Variants in PARM1 observed in about 807,000 individuals in gnomAD.
PARM1 encodes WSC4, cell wall integrity and stress response component 4 homolog.
PARM1 carries 14 observed loss-of-function variants against 24.6 expected under a neutral mutation model. That is an observed-to-expected ratio of 0.57 (90% confidence interval 0.38 to 0.89). The LOEUF is 0.89. Ranked by LOEUF, PARM1 falls within the 40% of genes least tolerant of loss-of-function variation. The probability of loss-of-function intolerance (pLI) is 0.00; values close to 1 mark genes in which losing one functional copy is unlikely to be tolerated. For missense variants in PARM1, 362 were observed against 380.4 expected, an observed-to-expected ratio of 0.95 and a Z score of 0.40; for synonymous variants, 179 against 156.6, an observed-to-expected ratio of 1.14 and a Z score of -1.07.
intron 2 of PARM1, among the ~76,000 whole-genome samples, chr4:75,014,181 A>G (rs905881160): frequency 6.6e-6 from 1 of 152,214 alleles, no homozygotes; most frequent in African/African-American, 2.4e-5. Flanking sequence ...CAATTGATAT[A>G]CATCCATCAC....
chr4:75,011,498 C>T (rs1225542343), intron 1 of PARM1, among the ~76,000 whole-genome samples: 1 of 152,038 alleles, frequency 6.6e-6, no homozygotes. Flanking sequence ...TATGGGGAGG[C>T]AATCAAGATA....
chr4:74,947,776 C>T (rs901043961), intron 1 of PARM1, among the ~76,000 whole-genome samples: 3 of 152,142 alleles, frequency 2.0e-5, no homozygotes, highest in African/African-American at 7.2e-5. Flanking sequence ...ATGCATTATA[C>T]TCTTCTCTCC....
At chr4:74,975,245 C>T (rs1013576627) in intron 1 of PARM1, among the ~76,000 whole-genome samples, 20 of 152,302 alleles carry the variant, frequency 1.3e-4, no homozygotes, top group Admixed American at 3.3e-4. Context: ...TTTAGCCTGG[C>T]TTTAGAGTTA....
At chr4:74,983,416 T>C (rs1441983095) in intron 1 of PARM1, among the ~76,000 whole-genome samples, 3 of 152,162 alleles carry the variant, frequency 2.0e-5, no homozygotes, top group Non-Finnish European at 4.4e-5. Flanking sequence ...CTCAAGGTCA[T>C]TGTCACAGAA....
chr4:75,012,407 G>T lies in PARM1; in HGVS notation c.44-18G>T. ...GTGTTTTCACATATTAACCACTTTTGTACTGGCTTTTCCACAGGATGGAGG... is the reference window on the plus strand; with the variant it reads ...GTGTTTTCACATATTAACCACTTTTTTACTGGCTTTTCCACAGGATGGAGG... On this transcript the variant is annotated intron_variant, in intron 1 of 3. Coordinates refer to ENST00000307428, the MANE Select transcript of PARM1 (RefSeq NM_015393.4). 6.2e-7 allele frequency: 1 copy of T among 1,608,340 alleles called. No individual in the cohort carries two copies. Among genetic ancestry groups the T allele is most frequent in the Non-Finnish European group, 8.5e-7 (1 of 1,175,636 alleles).
At chr4:74,938,946 G>A (rs1421814643) in intron 1 of PARM1, among the ~76,000 whole-genome samples, 1 of 152,088 alleles carries the variant, frequency 6.6e-6, no homozygotes, top group Non-Finnish European at 1.5e-5. Flanking sequence ...TTTTCCTTTG[G>A]CTAGTATTGC....
chr4:74,987,574 A>G (rs1266105992), intron 1 of PARM1, among the ~76,000 whole-genome samples: 3 of 152,232 alleles, frequency 2.0e-5, no homozygotes, highest in Non-Finnish European at 2.9e-5. Flanking sequence ...TTTATTTTGT[A>G]TATTAAAAAT....
At chr4:75,042,417 G>A (rs954690895) in intron 3 of PARM1, among the ~76,000 whole-genome samples, 1 of 152,158 alleles carries the variant, frequency 6.6e-6, no homozygotes, top group Non-Finnish European at 1.5e-5. Flanking sequence ...TGCTGTTCAG[G>A]TTGAAATTAG....
rs1560397285 is a variant in PARM1, at chr4:75,046,352, CCT to C, written c.*106_*107del. On this transcript the variant is annotated 3_prime_UTR_variant, in exon 4 of 4. Coordinates refer to ENST00000307428, the MANE Select transcript of PARM1 (RefSeq NM_015393.4). ...TGCGCATTGAACGACAATCTTAAGC[CCT>C]GTTTTGTTGGTATGGTTGTTTTTGT... 6.8e-6 allele frequency: 5 copies of C among 733,148 alleles called. No homozygotes were observed. In the Admixed American group the frequency reaches 1.2e-4, roughly 18 times the overall value. The allele number at this position is 733,148 out of a possible 1,614,324, so 45.4% of individuals were successfully genotyped here.
intron 1 of PARM1, among the ~76,000 whole-genome samples, chr4:74,934,864 G>C (rs954068752): frequency 6.6e-6 from 1 of 152,180 alleles, no homozygotes; most frequent in Non-Finnish European, 1.5e-5. Context: ...TTGCAAATTT[G>C]ATTTAGTGGC....
intron 1 of PARM1, among the ~76,000 whole-genome samples, chr4:74,960,815 TG>T (rs1721754152): frequency 6.6e-6 from 1 of 151,598 alleles, no homozygotes; most frequent in South Asian, 2.1e-4. Flanking sequence ...GAGACCATCC[TG>T]GCTAACATGG....
intron 1 of PARM1, among the ~76,000 whole-genome samples, chr4:74,974,684 A>T (rs1722105634): frequency 6.6e-6 from 1 of 152,202 alleles, no homozygotes; most frequent in South Asian, 2.1e-4. Context: ...CAGTGCTATG[A>T]ACTGAATTGT....
intron 3 of PARM1, among the ~76,000 whole-genome samples, chr4:75,041,323 A>G (rs553721257): frequency 1.6e-4 from 25 of 152,218 alleles, no homozygotes; most frequent in Non-Finnish European, 3.5e-4. Flanking sequence ...AGGCTTAATT[A>G]CTCATGGCTA....
intron 1 of PARM1, among the ~76,000 whole-genome samples, chr4:74,990,036 AT>A (rs1722435771): frequency 6.6e-6 from 1 of 152,178 alleles, no homozygotes; most frequent in Non-Finnish European, 1.5e-5. Context: ...TACAAGAGAC[AT>A]TTCCATGTAA....
intron 1 of PARM1, among the ~76,000 whole-genome samples, chr4:74,981,004 A>G (rs1326658312): frequency 2.6e-5 from 4 of 152,220 alleles, no homozygotes; most frequent in Non-Finnish European, 4.4e-5. Context: ...CAAACTATAA[A>G]CACCTTAGAA....
intron 1 of PARM1, among the ~76,000 whole-genome samples, chr4:74,936,321 A>G (rs1354842820): frequency 6.6e-6 from 1 of 152,162 alleles, no homozygotes; most frequent in Non-Finnish European, 1.5e-5. Context: ...CTTTATCCCC[A>G]AAACCAAGAA....
At chr4:74,972,920 G>A (rs541589502) in intron 1 of PARM1, among the ~76,000 whole-genome samples, 137 of 152,290 alleles carry the variant, frequency 9.0e-4, no homozygotes, top group African/African-American at 3.3e-3. Flanking sequence ...GAGAAGGCAA[G>A]GCTTTGCTTT....
intron 1 of PARM1, among the ~76,000 whole-genome samples, chr4:74,979,917 TC>T (rs1722215243): frequency 1.3e-5 from 2 of 152,154 alleles, no homozygotes; most frequent in Non-Finnish European, 2.9e-5. Flanking sequence ...AAATTCAACA[TC>T]CCTTCATGTT....
rs11433238 is a variant in PARM1 at position 74,936,447 on chromosome 4, T to G, written c.43+3077T>G. Among the ~76,000 whole-genome samples, 24 of 39,740 alleles carry G rather than the reference T, an allele frequency of 6.0e-4. 1 individual carries two copies. The highest frequency in any genetic ancestry group is 1.9e-3 in the East Asian group (3 of 1,548). 26.1% of individuals were successfully genotyped at this position (39,740 alleles called of 152,430 possible). A position where few individuals can be genotyped will look rare whatever the true frequency, so the allele number is the denominator to read the frequency against. On this transcript the variant is annotated intron_variant, in intron 1 of 3. Transcript: ENST00000307428. Reference sequence around the variant, plus strand: ...GTTGTTACATTCAAGTGTTTTTTTTTTGTTTGTTTTTTTGTTTTTTTTTTG... The same window carrying G: ...GTTGTTACATTCAAGTGTTTTTTTTGTGTTTGTTTTTTTGTTTTTTTTTTG...
Sources: gnomAD v4.1 joint callset for allele counts (sites outside exome capture counted in the v4.1 genomes callset) on GRCh38, gnomAD v4.1.1 for gene constraint, MANE v1.5 for transcripts, NCBI Gene and HGNC (gene_info 2026-07-23, HGNC 2026-07-21) for gene names.